MIB1: variants seen among roughly 807,000 people sequenced by gnomAD.
MIB1 encodes E3 ubiquitin-protein ligase MIB1.
MIB1 carries 278 observed loss-of-function variants against 124.5 expected under a neutral mutation model. The ratio of observed to expected loss-of-function variants is 2.23; its 90% CI spans 2.02 to 2.47. The LOEUF is 2.47. Among genes scored for constraint, MIB1 ranks in the 30% most tolerant of loss-of-function variants. The pLI is 0.00. For missense variants in MIB1, 957 were observed against 1,254.4 expected (o/e 0.76, Z 3.58); for synonymous variants, 446 against 429.4 (o/e 1.04, Z -0.48).
intron 1 of MIB1, among the ~76,000 whole-genome samples, chr18:21,709,252 A>C (rs891604663): frequency 3.2e-4 from 46 of 145,544 alleles, no homozygotes; most frequent in African/African-American, 1.1e-3. Context: ...CAGGAGGTGG[A>C]GCTTGCAGTG....
At chr18:21,751,412 C>A (rs2040973853) in intron 1 of MIB1, among the ~76,000 whole-genome samples, 1 of 152,022 alleles carries the variant, frequency 6.6e-6, no homozygotes, top group African/African-American at 2.4e-5. Context: ...AGGTGTGCAT[C>A]ACCATGCCCA....
intron 12 of MIB1, 55 bp downstream of exon 12, chr18:21,819,701 A>T (rs924080938): frequency 2.4e-6 from 3 of 1,265,688 alleles, no homozygotes; most frequent in Non-Finnish European, 3.2e-6. Context: ...CCTACTGTTG[A>T]TTCTCTTTTT....
intron 3 of MIB1, among the ~76,000 whole-genome samples, chr18:21,770,711 T>A (rs2041215307): frequency 6.6e-6 from 1 of 152,184 alleles, no homozygotes; most frequent in Non-Finnish European, 1.5e-5. Flanking sequence ...TAGATCATAT[T>A]TGTTTTTTTG....
chr18:21,803,492 G>T (rs68171388), intron 9 of MIB1, among the ~76,000 whole-genome samples: 61 of 152,018 alleles, frequency 4.0e-4, no homozygotes, highest in Non-Finnish European at 6.5e-4. Context: ...TGGTATTTTT[G>T]TTGAATTGAA....
At chr18:21,708,800 C>T (rs1007290752) in intron 1 of MIB1, among the ~76,000 whole-genome samples, 3 of 152,128 alleles carry the variant, frequency 2.0e-5, no homozygotes, top group Non-Finnish European at 1.5e-5. Flanking sequence ...TACTTAGAGT[C>T]TAGTGTGGCA....
chr18:21,768,184 G>A (rs1267689046), intron 2 of MIB1, among the ~76,000 whole-genome samples: 1 of 152,178 alleles, frequency 6.6e-6, no homozygotes, highest in East Asian at 1.9e-4. Context: ...CTCTACAATA[G>A]TGAAGAGTAT....
At position 21,741,530 on chromosome 18, in the gene MIB1, G is replaced by A; in HGVS notation, c.-54G>A. ...GCCCAACTCCCTCACGGGCCCCCCGGCGGCAGCGGCGGCGGCGGCGGCGGC... is the reference window on the plus strand; with the variant it reads ...GCCCAACTCCCTCACGGGCCCCCCGACGGCAGCGGCGGCGGCGGCGGCGGC... On this transcript the variant is annotated 5_prime_UTR_variant, in exon 1 of 21. Coordinates refer to ENST00000261537, the MANE Select transcript of MIB1 (RefSeq NM_020774.4). This position sits in a 1 kb window ranked among gnomAD's most constrained non-coding sequence, Gnocchi z 5.4. 1 of 1,265,156 alleles carries A rather than the reference G, an allele frequency of 7.9e-7. No homozygotes were observed. Among genetic ancestry groups the A allele is most frequent in the Non-Finnish European group, 1.0e-6 (1 of 996,224 alleles). 78.4% of individuals were successfully genotyped at this position (1,265,156 alleles called of 1,614,324 possible). A position where few individuals can be genotyped will look rare whatever the true frequency, so the allele number is the denominator to read the frequency against.
chr18:21,818,672 C>T (rs373036537), intron 11 of MIB1, among the ~76,000 whole-genome samples: 71 of 152,150 alleles, frequency 4.7e-4, no homozygotes, highest in African/African-American at 1.6e-3. Context: ...CAAGGTGGCT[C>T]ACGCCTGTAA....
Position 21,849,390 on chromosome 18 carries a change from T to C in MIB1, c.2586+2T>C. On this transcript the variant is annotated splice_donor_variant, in intron 17 of 20. Coordinates refer to ENST00000261537, the MANE Select transcript of MIB1 (RefSeq NM_020774.4). LOFTEE classifies it high-confidence loss of function. The stretch of plus-strand genomic sequence containing the variant: ...GAACAGGTTCAATCCAGGACAAAGG[T>C]AAGATATATTTAATATAGTATTTTG... 1.3e-6 allele frequency: 2 copies of C among 1,565,202 alleles called. No homozygotes were observed. Among genetic ancestry groups the C allele is most frequent in the Non-Finnish European group, 1.7e-6 (2 of 1,148,502 alleles).
intron 1 of MIB1, among the ~76,000 whole-genome samples, chr18:21,717,023 T>G (rs534938797): frequency 6.6e-6 from 1 of 152,208 alleles, no homozygotes; most frequent in East Asian, 1.9e-4. Context: ...AAGGCCATAG[T>G]CACCAAACAG....
chr18:21,723,018 C>CTA (rs1229254613), intron 1 of MIB1, among the ~76,000 whole-genome samples: 2 of 151,888 alleles, frequency 1.3e-5, no homozygotes, highest in Non-Finnish European at 2.9e-5. Context: ...GAGGGAGTAT[C>CTA]TATATATATA....
rs1192001550 is a variant in MIB1 at position 21,869,767 on chromosome 18, CAT to C, written c.*5103_*5104del. On this transcript the variant is annotated 3_prime_UTR_variant, in exon 21 of 21. Coordinates refer to ENST00000261537, the MANE Select transcript of MIB1 (RefSeq NM_020774.4). ...ATGAAAGGAGGATCTGTTTGGGAAACATAGATTGTCTTCCCCTCAAATGAGGG... is the reference window on the plus strand; with the variant it reads ...ATGAAAGGAGGATCTGTTTGGGAAACAGATTGTCTTCCCCTCAAATGAGGG... 1.4e-5 allele frequency: 2 copies of C among 145,448 alleles called. No homozygotes were observed. Among genetic ancestry groups the C allele is most frequent in the Non-Finnish European group, 3.0e-5 (2 of 66,178 alleles). The allele number at this position is 145,448 out of a possible 1,614,324, so 9.0% of individuals were successfully genotyped here. A position where few individuals can be genotyped will look rare whatever the true frequency, so the allele number is the denominator to read the frequency against.
At chr18:21,756,899 T>C (rs2041038480) in intron 1 of MIB1, among the ~76,000 whole-genome samples, 2 of 152,254 alleles carry the variant, frequency 1.3e-5, no homozygotes, top group South Asian at 4.1e-4. Flanking sequence ...TTGTTTCTTT[T>C]GGAATGTGTG....
intron 1 of MIB1, among the ~76,000 whole-genome samples, chr18:21,710,464 T>A (rs1478748981): frequency 6.6e-6 from 1 of 152,124 alleles, no homozygotes; most frequent in Non-Finnish European, 1.5e-5. Context: ...AAAAATCAAT[T>A]TTTGCCCAGG....
At chr18:21,773,277 C>CA (rs1383014853) in intron 3 of MIB1, among the ~76,000 whole-genome samples, 17 of 151,428 alleles carry the variant, frequency 1.1e-4, no homozygotes, top group African/African-American at 3.9e-4. Flanking sequence ...AACCAAAAAC[C>CA]AAAAAACAAA....
At chr18:21,725,094 C>CAAAAAA (rs1218383555) in intron 1 of MIB1, among the ~76,000 whole-genome samples, 3 of 44,198 alleles carry the variant, frequency 6.8e-5, no homozygotes, top group African/African-American at 1.7e-4. Flanking sequence ...GACTCTGTCT[C>CAAAAAA]AAAAAAAAAA....
At chr18:21,727,245 G>A (rs1446249353) in intron 1 of MIB1, among the ~76,000 whole-genome samples, 2 of 152,100 alleles carry the variant, frequency 1.3e-5, no homozygotes, top group Non-Finnish European at 2.9e-5. Context: ...GAGTAGCTGC[G>A]ATTAAAGGGA....
chr18:21,771,838 A>G (rs2041226937), intron 3 of MIB1, among the ~76,000 whole-genome samples: 1 of 151,138 alleles, frequency 6.6e-6, no homozygotes, highest in Non-Finnish European at 1.5e-5. Flanking sequence ...CTACTTAAAA[A>G]AAAAAACGAA....
intron 1 of MIB1, among the ~76,000 whole-genome samples, chr18:21,742,326 C>T (rs1214538100): frequency 6.8e-6 from 1 of 146,152 alleles, no homozygotes; most frequent in African/African-American, 2.5e-5. Context: ...ACTTGGAGTT[C>T]AGTAGCCAAA....
Sources: allele counts gnomAD v4.1 joint callset (sites outside exome capture counted in the v4.1 genomes callset), GRCh38; gene constraint gnomAD v4.1.1; non-coding constraint Gnocchi (gnomAD v3.1); transcripts MANE v1.5; gene names NCBI Gene and HGNC (gene_info 2026-07-23, HGNC 2026-07-21).